GPR39: variants seen among roughly 807,000 people sequenced by gnomAD.
GPR39 encodes the protein G protein-coupled receptor 39, also known as zinc sensing receptor.
Under a neutral mutation model 18.4 loss-of-function variants are expected in GPR39, and 23 were observed. That is an observed-to-expected ratio of 1.25 (90% CI 0.90 to 1.77). GPR39 has a LOEUF of 1.77. GPR39 is among the 40% of genes most tolerant of loss of function. The pLI, the probability that GPR39 is intolerant of heterozygous loss-of-function variation, is 0.00. For synonymous variants in GPR39, 280 were observed against 257.9 expected, an observed-to-expected ratio of 1.09 and a Z score of -0.82; for missense variants, 647 against 602.4, an observed-to-expected ratio of 1.07 and a Z score of -0.78.
chr2:132,620,208 T>C (rs958562693), intron 1 of GPR39, among the ~76,000 whole-genome samples: 1 of 152,130 alleles, frequency 6.6e-6, no homozygotes, highest in African/African-American at 2.4e-5. Flanking sequence ...TGAAAGTTGA[T>C]AAATACCCAG....
chr2:132,425,214 C>T (rs1047245500), intron 1 of GPR39, among the ~76,000 whole-genome samples: 42 of 152,292 alleles, frequency 2.8e-4, no homozygotes, highest in African/African-American at 8.7e-4. Context: ...TCCTGGACTA[C>T]GACAGCCTAT....
chr2:132,645,663 A>T lies in GPR39; in HGVS notation c.*57A>T. On this transcript the variant is annotated 3_prime_UTR_variant, in exon 2 of 2. Transcript: ENST00000329321. ...GGCCCTCCAGCCCTAAGAAAACGTCACTCTCACTCTGCAGTCTCAAACTAT... is the reference window on the plus strand; with the variant it reads ...GGCCCTCCAGCCCTAAGAAAACGTCTCTCTCACTCTGCAGTCTCAAACTAT... 1 of 1,556,044 alleles carries T rather than the reference A, an allele frequency of 6.4e-7. No homozygotes were observed. Among genetic ancestry groups the T allele is most frequent in the South Asian group, 1.2e-5 (1 of 80,618 alleles).
intron 1 of GPR39, among the ~76,000 whole-genome samples, chr2:132,443,149 CATTTT>C (rs1341537834): frequency 3.9e-5 from 6 of 152,120 alleles, no homozygotes; most frequent in Non-Finnish European, 8.8e-5. Flanking sequence ...AATACAATCA[CATTTT>C]ATTTTAGAAT....
intron 1 of GPR39, among the ~76,000 whole-genome samples, chr2:132,430,823 C>G (rs761435649): frequency 1.2e-4 from 19 of 152,208 alleles, no homozygotes; most frequent in Admixed American, 1.0e-3. Context: ...ACAGACACCC[C>G]CTGTGGGGAC....
intron 1 of GPR39, among the ~76,000 whole-genome samples, chr2:132,492,858 T>TAC (rs1475637975): frequency 1.4e-5 from 2 of 140,812 alleles, no homozygotes; most frequent in Non-Finnish European, 3.1e-5. Context: ...ACCATATATA[T>TAC]ACCATATATG....
chr2:132,465,261 A>G (rs1680907522), intron 1 of GPR39, among the ~76,000 whole-genome samples: 2 of 152,054 alleles, frequency 1.3e-5, no homozygotes, highest in South Asian at 4.2e-4. Context: ...GTAAGGATAG[A>G]TTACCAGGAT....
At chr2:132,421,145 G>A (rs1680001029) in intron 1 of GPR39, among the ~76,000 whole-genome samples, 1 of 152,180 alleles carries the variant, frequency 6.6e-6, no homozygotes, top group Admixed American at 6.5e-5. Flanking sequence ...ATGAGGATGT[G>A]TAAAATGAGA....
chr2:132,631,584 A>G (rs1443958879), intron 1 of GPR39, among the ~76,000 whole-genome samples: 2 of 152,124 alleles, frequency 1.3e-5, no homozygotes, highest in African/African-American at 4.8e-5. Flanking sequence ...CTCTCTTAGT[A>G]TCTCTCCCGT....
chr2:132,503,942 C>T (rs985380643), intron 1 of GPR39, among the ~76,000 whole-genome samples: 2 of 152,200 alleles, frequency 1.3e-5, no homozygotes, highest in African/African-American at 2.4e-5. Flanking sequence ...GGCCTCATTC[C>T]CTCCATGCTC....
At chr2:132,453,795 A>G (rs1044626595) in intron 1 of GPR39, among the ~76,000 whole-genome samples, 2 of 151,994 alleles carry the variant, frequency 1.3e-5, no homozygotes, top group Non-Finnish European at 2.9e-5. Flanking sequence ...GGTTGTAGAT[A>G]TTTGGTGTTA....
At chr2:132,484,728 T>C (rs941253226) in intron 1 of GPR39, among the ~76,000 whole-genome samples, 8 of 152,234 alleles carry the variant, frequency 5.3e-5, no homozygotes, top group African/African-American at 9.6e-5. Context: ...CCTATAAGAA[T>C]TTAAAATCTT....
intron 1 of GPR39, among the ~76,000 whole-genome samples, chr2:132,491,103 A>AT: frequency 1.3e-5 from 2 of 152,202 alleles, no homozygotes; most frequent in Middle Eastern, 6.8e-3. Context: ...TGAACCAAGG[A>AT]TTTTTTCAAA....
chr2:132,538,859 T>C (rs1406004010), intron 1 of GPR39, among the ~76,000 whole-genome samples: 1 of 152,148 alleles, frequency 6.6e-6, no homozygotes, highest in East Asian at 1.9e-4. Flanking sequence ...TCCTTAGCAC[T>C]ATCAGGGGGA....
intron 1 of GPR39, among the ~76,000 whole-genome samples, chr2:132,497,336 A>G: frequency 6.6e-6 from 1 of 151,032 alleles, no homozygotes; most frequent in East Asian, 1.9e-4. Flanking sequence ...TCCTATCTTC[A>G]CTCACCCTCA....
intron 1 of GPR39, among the ~76,000 whole-genome samples, chr2:132,535,804 G>A (rs1451889046): frequency 6.6e-6 from 1 of 151,238 alleles, no homozygotes; most frequent in Non-Finnish European, 1.5e-5. Flanking sequence ...GAGGATTTAT[G>A]TGTCCAGGAA....
intron 1 of GPR39, among the ~76,000 whole-genome samples, chr2:132,442,633 C>T (rs1417500260): frequency 6.6e-6 from 1 of 152,230 alleles, no homozygotes; most frequent in Non-Finnish European, 1.5e-5. Context: ...AGCAGCAAAA[C>T]TGCTTAGGTA....
intron 1 of GPR39, among the ~76,000 whole-genome samples, chr2:132,579,488 T>C (rs1190194982): frequency 6.6e-6 from 1 of 152,150 alleles, no homozygotes; most frequent in East Asian, 1.9e-4. Flanking sequence ...TGATGGTGCT[T>C]TTCAGTTCTT....
At chr2:132,630,556 G>A (rs1007141910) in intron 1 of GPR39, among the ~76,000 whole-genome samples, 7 of 152,192 alleles carry the variant, frequency 4.6e-5, no homozygotes, top group Non-Finnish European at 7.3e-5. Context: ...ACAAGCCATC[G>A]AAAGGTTTTA....
At chr2:132,623,470 G>A (rs1681482618) in intron 1 of GPR39, among the ~76,000 whole-genome samples, 1 of 152,170 alleles carries the variant, frequency 6.6e-6, no homozygotes, top group Non-Finnish European at 1.5e-5. Flanking sequence ...ACAGTCTGGT[G>A]CCACCTCAAA....
Sources: allele counts gnomAD v4.1 joint callset (sites outside exome capture counted in the v4.1 genomes callset), GRCh38; gene constraint gnomAD v4.1.1; transcripts MANE v1.5; gene names NCBI Gene and HGNC (gene_info 2026-07-23, HGNC 2026-07-21).